CNOT1: variants seen among roughly 807,000 people sequenced by gnomAD.
The protein encoded by CNOT1 is CCR4-NOT transcription complex subunit 1.
A neutral mutation model predicts 273.8 loss-of-function variants in CNOT1; 15 were observed. That is an observed-to-expected ratio of 0.05 (90% CI 0.04 to 0.08). The LOEUF (loss-of-function observed/expected upper bound fraction) is 0.08, where lower values mean the gene tolerates loss of function less well. Ranked by LOEUF, CNOT1 falls within the 10% of genes least tolerant of loss-of-function variation. The pLI is 1.00. For missense variants in CNOT1, 1,644 were observed against 2,912.2 expected, an observed-to-expected ratio of 0.56 and a Z score of 10.02; for synonymous variants, 1,022 against 1,005.5, an observed-to-expected ratio of 1.02 and a Z score of -0.31.
chr16:58,553,452 T>C (rs1421043657), intron 22 of CNOT1, among the ~76,000 whole-genome samples: 1 of 152,212 alleles, frequency 6.6e-6, no homozygotes, highest in East Asian at 1.9e-4. Flanking sequence ...CCTTTTAGCA[T>C]CAGGCAGGGT....
intron 20 of CNOT1, 30 bp from the exon 21 acceptor site, chr16:58,555,567 CAT>C (rs1276280706): frequency 6.3e-7 from 1 of 1,595,494 alleles, no homozygotes; most frequent in African/African-American, 1.4e-5. Context: ...ACAACGCACA[CAT>C]AAAGGAAACA....
chr16:58,601,399 A>G (rs895244214), intron 1 of CNOT1, among the ~76,000 whole-genome samples: 1 of 152,126 alleles, frequency 6.6e-6, no homozygotes, highest in African/African-American at 2.4e-5. Context: ...GTCCAGCCAC[A>G]ACACCCATTT....
intron 22 of CNOT1, among the ~76,000 whole-genome samples, chr16:58,553,361 C>G (rs1333364182): frequency 6.6e-6 from 1 of 152,094 alleles, no homozygotes; most frequent in Non-Finnish European, 1.5e-5. Context: ...TAAACATGAT[C>G]TAAGTCTTAT....
At chr16:58,607,688 T>C (rs1011319393) in intron 1 of CNOT1, among the ~76,000 whole-genome samples, 4 of 134,332 alleles carry the variant, frequency 3.0e-5, no homozygotes, top group Non-Finnish European at 4.6e-5. Flanking sequence ...GATCATGCTA[T>C]TGTACTCCAG....
chr16:58,628,599 T>TAAAA (rs11394544), intron 1 of CNOT1, among the ~76,000 whole-genome samples: 1 of 141,114 alleles, frequency 7.1e-6, no homozygotes, highest in African/African-American at 2.6e-5. Flanking sequence ...ATCACTGACT[T>TAAAA]AAAAAAAAAA....
At position 58,541,433 on chromosome 16, in the gene CNOT1, A is replaced by G. The variant is rs977193243; in HGVS notation, c.4800+68T>C. On this transcript the variant is annotated intron_variant, in intron 34 of 48. Coordinates refer to ENST00000317147, the MANE Select transcript of CNOT1 (RefSeq NM_016284.5). ...TTCTCCCAGGAAGCAAGTCAAAAAC[A>G]TATATTAAATGTCAAAAACATTTAA... 9 of 1,575,306 alleles carry G rather than the reference A, an allele frequency of 5.7e-6. No homozygotes were observed. In the African/African-American group the frequency reaches 1.1e-4, roughly 19 times the overall value.
chr16:58,532,800 CT>C (rs1392441686), intron 40 of CNOT1: 13 of 166,384 alleles, frequency 7.8e-5, no homozygotes, highest in Admixed American at 2.9e-4. Flanking sequence ...GCCAGGAAAG[CT>C]GTTAGGCTGC....
intron 16 of CNOT1, among the ~76,000 whole-genome samples, chr16:58,567,149 T>G (rs2041073862): frequency 6.6e-6 from 1 of 151,162 alleles, no homozygotes; most frequent in Non-Finnish European, 1.5e-5. Context: ...AACAACACAG[T>G]AAGACCTCAT....
At chr16:58,538,495 G>A (rs2039987340) in intron 36 of CNOT1, among the ~76,000 whole-genome samples, 1 of 152,056 alleles carries the variant, frequency 6.6e-6, no homozygotes, top group African/African-American at 2.4e-5. Flanking sequence ...ACTTATACAC[G>A]AATACCACTT....
chr16:58,568,933 C>G (rs192063457), intron 16 of CNOT1, among the ~76,000 whole-genome samples: 1 of 152,230 alleles, frequency 6.6e-6, no homozygotes, highest in African/African-American at 2.4e-5. Context: ...GAAGGAAGAT[C>G]TGATTCCAGG....
At position 58,617,673 on chromosome 16, in the gene CNOT1, G is replaced by A. The variant is rs533608267; in HGVS notation, c.-175+12055C>T. ...CCTTGTTGAGAAAATGGCTGATATA[G>A]CCACCTTCTATAGGATGGGCCCTCA... On this transcript the variant is annotated intron_variant, in intron 1 of 48. Transcript: ENST00000317147. Among the ~76,000 whole-genome samples the A allele has an allele frequency of 2.0e-5, 3 of 152,254 alleles. No homozygotes were observed. In the South Asian group the frequency reaches 6.2e-4, roughly 32 times the overall value.
intron 6 of CNOT1, 87 bp downstream of exon 6, chr16:58,587,110 ACTCT>A (rs2041899865): frequency 2.7e-6 from 4 of 1,475,820 alleles, no homozygotes; most frequent in African/African-American, 2.8e-5. Context: ...AGATTATCTT[ACTCT>A]CTAAGTCTAA....
chr16:58,587,723 G>A (rs1184461816), intron 4 of CNOT1, 57 bp downstream of exon 4: 3 of 1,550,778 alleles, frequency 1.9e-6, no homozygotes, highest in Non-Finnish European at 2.6e-6. Flanking sequence ...AAGGCTTAGG[G>A]ACTTTTTAGA....
chr16:58,614,862 A>G (rs1457972938), intron 1 of CNOT1, among the ~76,000 whole-genome samples: 1 of 123,086 alleles, frequency 8.1e-6, no homozygotes, highest in East Asian at 2.0e-4. Context: ...GGCATATGCC[A>G]CTACGTCTAA....
chr16:58,544,010 A>G, intron 30 of CNOT1, 107 bp from the exon 31 acceptor site: 1 of 1,442,362 alleles, frequency 6.9e-7, no homozygotes, highest in Middle Eastern at 2.5e-4. Flanking sequence ...ACCAAAAACT[A>G]CCAGTTTCTA....
intron 12 of CNOT1, 36 bp downstream of exon 12, chr16:58,580,597 T>C: frequency 6.3e-7 from 1 of 1,591,492 alleles, no homozygotes; most frequent in Non-Finnish European, 8.5e-7. Flanking sequence ...AAATAAGAAG[T>C]AATCTTTTAA....
chr16:58,623,725 C>T (rs1012699190), intron 1 of CNOT1, among the ~76,000 whole-genome samples: 1 of 152,016 alleles, frequency 6.6e-6, no homozygotes. Flanking sequence ...TGGCTCATGC[C>T]TGTCTGTAAT....
At chr16:58,540,158 C>A (rs968688401) in intron 34 of CNOT1, 199 bp from the exon 35 acceptor site, 4 of 476,792 alleles carry the variant, frequency 8.4e-6, no homozygotes, top group Admixed American at 7.4e-5. Flanking sequence ...ACAAGGCAGG[C>A]ATAAGGGAAG....
rs772439986 is a variant in CNOT1 at position 58,536,369 on chromosome 16, C to T, written c.5646+620G>A. ...GAAAGCAACCAGTGATAATAAAAAA[C>T]GAATGCTAAATGGTACTATGGCTCG... On this transcript the variant is annotated intron_variant, in intron 39 of 48. Coordinates refer to ENST00000317147, the MANE Select transcript of CNOT1 (RefSeq NM_016284.5). 5.4e-4 allele frequency among the ~76,000 whole-genome samples: 82 copies of T among 152,244 alleles called. 1 individual carries two copies. The highest frequency in any genetic ancestry group is 6.2e-4 in the South Asian group (3 of 4,812).
Sources: gnomAD v4.1 joint callset for allele counts (sites outside exome capture counted in the v4.1 genomes callset) on GRCh38, gnomAD v4.1.1 for gene constraint, MANE v1.5 for transcripts, NCBI Gene and HGNC (gene_info 2026-07-23, HGNC 2026-07-21) for gene names.